The following AMN1 variants were observed in gnomAD, a reference collection of about 807,000 sequenced individuals.
AMN1 encodes the protein protein AMN1 homolog.
AMN1 carries 20 observed loss-of-function variants against 33.0 expected under a neutral mutation model. That is an observed-to-expected ratio of 0.61 (90% CI 0.43 to 0.88). AMN1 has a LOEUF of 0.88. Among genes scored for constraint, AMN1 ranks in the 40% least tolerant of loss-of-function variants. The pLI, the probability that AMN1 is intolerant of heterozygous loss-of-function variation, is 0.00. For synonymous variants in AMN1, 114 were observed against 111.9 expected, an observed-to-expected ratio of 1.02 and a Z score of -0.12; for missense variants, 246 against 307.4, an observed-to-expected ratio of 0.80 and a Z score of 1.49.
intron 2 of AMN1, among the ~76,000 whole-genome samples, chr12:31,707,191 A>G (rs1172944365): frequency 6.6e-6 from 1 of 152,222 alleles, no homozygotes; most frequent in South Asian, 2.1e-4. Context: ...ACTAAATAGA[A>G]TAAAATTAAA....
At position 31,694,609 on chromosome 12, in the gene AMN1, G is replaced by T. The variant is rs369301299; in HGVS notation, c.591+2752C>A. On this transcript the variant is annotated intron_variant, in intron 5 of 6. Transcript: ENST00000281471. ...AAAAAATAAAAAAGTAGCCAGGAGTGGGGGCACATACCTGTAGCCCCAGCT... is the reference window on the plus strand; with the variant it reads ...AAAAAATAAAAAAGTAGCCAGGAGTTGGGGCACATACCTGTAGCCCCAGCT... 3.8e-4 allele frequency among the ~76,000 whole-genome samples: 58 copies of T among 152,024 alleles called. No individual in the cohort carries two copies. The East Asian group carries it at 8.3e-3, about 22-fold the overall frequency.
chr12:31,713,286 T>C (rs914574047), intron 1 of AMN1, among the ~76,000 whole-genome samples: 2 of 152,316 alleles, frequency 1.3e-5, no homozygotes, highest in Admixed American at 6.5e-5. Flanking sequence ...ATATGTTTAA[T>C]GTATATATGT....
At chr12:31,676,599 G>A (rs1937717668) in intron 6 of AMN1, among the ~76,000 whole-genome samples, 1 of 151,070 alleles carries the variant, frequency 6.6e-6, no homozygotes, top group African/African-American at 2.4e-5. Flanking sequence ...TGCAATTACA[G>A]GTGTGAGCCA....
intron 6 of AMN1, among the ~76,000 whole-genome samples, chr12:31,679,462 C>T (rs1370218834): frequency 1.3e-5 from 2 of 151,982 alleles, no homozygotes; most frequent in Non-Finnish European, 2.9e-5. Context: ...ACCTGGGAGG[C>T]GGAGGTTGCA....
At chr12:31,705,620 C>T (rs1939203051) in intron 2 of AMN1, among the ~76,000 whole-genome samples, 1 of 152,030 alleles carries the variant, frequency 6.6e-6, no homozygotes, top group Non-Finnish European at 1.5e-5. Context: ...ATTGTGGAGT[C>T]CTAATTAGGG....
At chr12:31,717,504 G>A (rs1001518720) in intron 1 of AMN1, among the ~76,000 whole-genome samples, 83 of 152,252 alleles carry the variant, frequency 5.5e-4, no homozygotes, top group African/African-American at 1.8e-3. Flanking sequence ...TGGTATTCCT[G>A]GATAAACACA....
At chr12:31,712,835 T>C (rs894764575) in intron 1 of AMN1, among the ~76,000 whole-genome samples, 4 of 151,964 alleles carry the variant, frequency 2.6e-5, no homozygotes, top group Admixed American at 6.6e-5. Flanking sequence ...TTTTCTTTTT[T>C]AGTAGAGACG....
intron 1 of AMN1, among the ~76,000 whole-genome samples, chr12:31,711,855 G>C (rs560501988): frequency 3.3e-5 from 5 of 151,812 alleles, no homozygotes. Context: ...TCTCTATGCC[G>C]CCATCCCCTG....
intron 1 of AMN1, among the ~76,000 whole-genome samples, chr12:31,724,587 C>T (rs1160164893): frequency 6.6e-6 from 1 of 152,140 alleles, no homozygotes; most frequent in Non-Finnish European, 1.5e-5. Context: ...ACTGCCGAAA[C>T]AAAACAGCAC....
At chr12:31,689,475 A>G (rs1325273982) in intron 5 of AMN1, among the ~76,000 whole-genome samples, 1 of 152,192 alleles carries the variant, frequency 6.6e-6, no homozygotes, top group Non-Finnish European at 1.5e-5. Context: ...AAAAGTGGAG[A>G]ACGGGAAAAT....
intron 6 of AMN1, among the ~76,000 whole-genome samples, chr12:31,678,080 A>G (rs1036340609): frequency 6.6e-6 from 1 of 152,210 alleles, no homozygotes; most frequent in Non-Finnish European, 1.5e-5. Context: ...ATGGCTGTCC[A>G]TGCTTCATAA....
chr12:31,701,163 C>T (rs1480643940), intron 3 of AMN1, among the ~76,000 whole-genome samples: 5 of 152,002 alleles, frequency 3.3e-5, no homozygotes, highest in African/African-American at 1.2e-4. Context: ...CCACGCCTGG[C>T]TAATTTTGTA....
upstream of AMN1, chr12:31,729,025 G>A (rs1331229726): frequency 1.3e-6 from 2 of 1,539,772 alleles, no homozygotes; most frequent in Non-Finnish European, 1.8e-6. Flanking sequence ...AGCGTCTGAA[G>A]CCTCTTCCGC....
intron 1 of AMN1, among the ~76,000 whole-genome samples, chr12:31,716,005 C>A (rs1013798172): frequency 1.3e-5 from 2 of 152,210 alleles, no homozygotes; most frequent in Non-Finnish European, 2.9e-5. Flanking sequence ...ATGATATTTT[C>A]TTGTGGAATA....
chr12:31,711,436 AAC>A (rs1485418098), intron 1 of AMN1, among the ~76,000 whole-genome samples: 4 of 152,228 alleles, frequency 2.6e-5, no homozygotes, highest in African/African-American at 7.2e-5. Flanking sequence ...TGGAAGGCCT[AAC>A]AGGTGAAAAT....
At chr12:31,684,472 A>AT (rs199644601) in intron 6 of AMN1, among the ~76,000 whole-genome samples, 3,321 of 142,514 alleles carry the variant, frequency 0.023, 49 homozygotes, top group Middle Eastern at 0.052. Context: ...ATCCTCAGTG[A>AT]TTTTTTTTTT....
chr12:31,696,767 A>C lies in AMN1; in HGVS notation c.591+594T>G, dbSNP rs58672841. 8.3e-3 allele frequency among the ~76,000 whole-genome samples: 1,268 copies of C among 152,014 alleles called. 17 individuals are homozygous for C. The highest frequency in any genetic ancestry group is 0.029 in the African/African-American group (1,196 of 41,478). ...CACGGTGAAACCCCGTCTCTACTAA[A>C]AATACAAAAATTAGTCGGTGGCACA... On this transcript the variant is annotated intron_variant, in intron 5 of 6. Coordinates refer to ENST00000281471, the MANE Select transcript of AMN1 (RefSeq NM_001113402.2).
At chr12:31,723,753 G>T (rs1939962559) in intron 1 of AMN1, among the ~76,000 whole-genome samples, 1 of 152,152 alleles carries the variant, frequency 6.6e-6, no homozygotes, top group Admixed American at 6.5e-5. Context: ...GAGTAACTGT[G>T]TCAGAGGGTG....
At position 31,697,542 on chromosome 12, in the gene AMN1, A is replaced by G. The variant is rs1938785558; in HGVS notation, c.535-125T>C. The G allele has an allele frequency of 9.3e-6, 10 of 1,075,098 alleles. No homozygotes were observed. In the South Asian group the frequency reaches 1.4e-4, roughly 15 times the overall value. 66.6% of individuals were successfully genotyped at this position (1,075,098 alleles called of 1,614,324 possible). A position where few individuals can be genotyped will look rare whatever the true frequency, so the allele number is the denominator to read the frequency against. ...CATTCATCAAACATGTGTTTTAGCC[A>G]TATATACCTTTCACCCTTGCTACTT... On this transcript the variant is annotated intron_variant, in intron 4 of 6. Coordinates refer to ENST00000281471, the MANE Select transcript of AMN1 (RefSeq NM_001113402.2).
Sources: allele counts gnomAD v4.1 joint callset (sites outside exome capture counted in the v4.1 genomes callset), GRCh38; gene constraint gnomAD v4.1.1; transcripts MANE v1.5; gene names NCBI Gene and HGNC (gene_info 2026-07-23, HGNC 2026-07-21).